The following C19orf47 variants were observed in gnomAD, a reference collection of about 807,000 sequenced individuals.
The protein encoded by C19orf47 is chromosome 19 open reading frame 47.
C19orf47 carries 18 observed loss-of-function variants against 32.3 expected under a neutral mutation model. The observed-to-expected ratio is 0.56, with a 90% CI of 0.39 to 0.83. The LOEUF (loss-of-function observed/expected upper bound fraction) is 0.83, where lower values mean the gene tolerates loss of function less well. Ranked by LOEUF, C19orf47 falls within the 40% of genes least tolerant of loss-of-function variation. The probability of loss-of-function intolerance (pLI) is 0.00; values close to 1 mark genes in which losing one functional copy is unlikely to be tolerated. For synonymous variants in C19orf47, 202 were observed against 211.1 expected (o/e 0.96, Z 0.37); for missense variants, 484 against 531.6 (o/e 0.91, Z 0.88).
chr19:40,319,288 T>G (rs559105037), downstream of C19orf47, among the ~76,000 whole-genome samples: 3 of 148,266 alleles, frequency 2.0e-5, no homozygotes, highest in African/African-American at 7.5e-5. Flanking sequence ...AAATAAACAA[T>G]AAAAATAAAA....
chr19:40,346,147 C>CCT (rs2078272923), intron 1 of C19orf47, among the ~76,000 whole-genome samples: 4 of 141,528 alleles, frequency 2.8e-5, no homozygotes, highest in Admixed American at 7.2e-5. Context: ...CAGAGTGAGA[C>CCT]TCCATCTCAA....
intron 8 of C19orf47, among the ~76,000 whole-genome samples, chr19:40,323,694 T>G (rs752256018): frequency 6.6e-6 from 1 of 151,714 alleles, no homozygotes; most frequent in African/African-American, 2.4e-5. Context: ...CAGACTGCAA[T>G]GGGGAGGGCA....
At chr19:40,299,922 G>T in the C19orf47 span, among the ~76,000 whole-genome samples, 16,626 of 151,932 alleles carry the variant, frequency 0.11, 1,279 homozygotes, top group African/African-American at 0.22. Flanking sequence ...CCAGCTACTC[G>T]GGAGGCTGAG....
chr19:40,330,715 G>A (rs2077935436), intron 5 of C19orf47, among the ~76,000 whole-genome samples: 1 of 151,346 alleles, frequency 6.6e-6, no homozygotes, highest in Admixed American at 6.6e-5. Context: ...GTAGAGACAG[G>A]GTCTCACTAT....
chr19:40,321,765 G>A lies in C19orf47; in HGVS notation c.*117C>T, dbSNP rs934362885. 1.9e-5 allele frequency: 28 copies of A among 1,438,508 alleles called. No homozygotes were observed. The highest frequency in any genetic ancestry group is 2.9e-5 in the Admixed American group (1 of 34,862). The allele number at this position is 1,438,508 out of a possible 1,614,324, so 89.1% of individuals were successfully genotyped here. On this transcript the variant is annotated 3_prime_UTR_variant, in exon 9 of 9. Transcript: ENST00000683109. ...ATGCTCGGGCCTAGCTCTAGAGCCCGAGGGAGACAAGCTGTGTCATCCAGG... is the reference window on the plus strand; with the variant it reads ...ATGCTCGGGCCTAGCTCTAGAGCCCAAGGGAGACAAGCTGTGTCATCCAGG...
chr19:40,328,695 C>T (rs1006723357), intron 5 of C19orf47, 145 bp from the exon 6 acceptor site: 1 of 1,125,736 alleles, frequency 8.9e-7, no homozygotes, highest in South Asian at 1.7e-5. Flanking sequence ...GCATGGTACT[C>T]GTGATGGGGA....
chr19:40,298,662 T>C, the C19orf47 span, among the ~76,000 whole-genome samples: 1 of 152,082 alleles, frequency 6.6e-6, no homozygotes, highest in Non-Finnish European at 1.5e-5. Flanking sequence ...CGCTGTAGAG[T>C]TGCTAAGACT....
chr19:40,312,742 G>A, the C19orf47 span, among the ~76,000 whole-genome samples: 1 of 152,110 alleles, frequency 6.6e-6, no homozygotes, highest in Non-Finnish European at 1.5e-5. Context: ...GTTTTAAGAC[G>A]ACACCAACCT....
At chr19:40,326,266 G>T (rs1395075659) in intron 7 of C19orf47, 68 bp downstream of exon 7, 1 of 1,582,398 alleles carries the variant, frequency 6.3e-7, no homozygotes. Flanking sequence ...AGGATATGAC[G>T]GGCCCTGTGT....
chr19:40,340,794 C>T (rs929801873), intron 2 of C19orf47, among the ~76,000 whole-genome samples: 1 of 151,588 alleles, frequency 6.6e-6, no homozygotes, highest in Non-Finnish European at 1.5e-5. Flanking sequence ...GCCCAGGCAA[C>T]ATGGTGAAAC....
chr19:40,314,048 A>C, the C19orf47 span, among the ~76,000 whole-genome samples: 1 of 152,214 alleles, frequency 6.6e-6, no homozygotes, highest in Non-Finnish European at 1.5e-5. Flanking sequence ...GGCTCCTTGG[A>C]AAAATGGTTG....
the C19orf47 span, among the ~76,000 whole-genome samples, chr19:40,309,345 C>T: frequency 2.6e-5 from 4 of 152,140 alleles, no homozygotes; most frequent in African/African-American, 9.6e-5. Flanking sequence ...TGCGCCACCA[C>T]TCCTGGCTAA....
At chr19:40,328,677 C>T in intron 5 of C19orf47, 127 bp from the exon 6 acceptor site, 1 of 1,255,256 alleles carries the variant, frequency 8.0e-7, no homozygotes, top group Non-Finnish European at 1.1e-6. Flanking sequence ...GGGTATCACC[C>T]TGTAACTGCA....
chr19:40,333,667 T>G (rs113086934), intron 5 of C19orf47, among the ~76,000 whole-genome samples, 184 bp downstream of exon 5: 1,855 of 152,290 alleles, frequency 0.012, 54 homozygotes, highest in African/African-American at 0.042. Context: ...AGATGACAAT[T>G]GACTGTGTGT....
chr19:40,312,427 C>A, the C19orf47 span, among the ~76,000 whole-genome samples: 1 of 152,152 alleles, frequency 6.6e-6, no homozygotes, highest in East Asian at 1.9e-4. Flanking sequence ...CGCCTGTAGT[C>A]CCAGCTACTT....
At chr19:40,332,645 T>C (rs1464044135) in intron 5 of C19orf47, 1 of 146,876 alleles carries the variant, frequency 6.8e-6, no homozygotes, top group African/African-American at 2.5e-5. Flanking sequence ...AGACTCCATC[T>C]CAAAAAAAAA....
chr19:40,309,706 T>C, the C19orf47 span, among the ~76,000 whole-genome samples: 2 of 150,990 alleles, frequency 1.3e-5, no homozygotes, highest in East Asian at 1.9e-4. Flanking sequence ...AAAAAGAATA[T>C]GCAACAAAAT....
At chr19:40,346,441 TCAAATAAA>T (rs1418914439) in intron 1 of C19orf47, among the ~76,000 whole-genome samples, 12 of 89,258 alleles carry the variant, frequency 1.3e-4, no homozygotes, top group African/African-American at 4.8e-4. Flanking sequence ...AGACCTTGTC[TCAAATAAA>T]TAAATAAATA....
In C19orf47 at chr19:40,348,349, C is replaced by T; in HGVS notation, c.-59G>A. 1 of 1,383,092 alleles carries T rather than the reference C, an allele frequency of 7.2e-7. No individual in the cohort carries two copies. The highest frequency in any genetic ancestry group is 9.4e-7 in the Non-Finnish European group (1 of 1,069,020). The allele number at this position is 1,383,092 out of a possible 1,614,324, so 85.7% of individuals were successfully genotyped here. The stretch of plus-strand genomic sequence containing the variant: ...CTGGCCCACCGGGCCCGCGCCCACT[C>T]GCGCCGCCCGCCCTCCCTCCCGGCG... On this transcript the variant is annotated 5_prime_UTR_variant, in exon 1 of 9. Coordinates refer to ENST00000683109, the MANE Select transcript of C19orf47 (RefSeq NM_001256441.2).
Sources: gnomAD v4.1 joint callset for allele counts (sites outside exome capture counted in the v4.1 genomes callset) on GRCh38, gnomAD v4.1.1 for gene constraint, MANE v1.5 for transcripts, NCBI Gene and HGNC (gene_info 2026-07-23, HGNC 2026-07-21) for gene names.